The following ADAMTS3 variants were observed in gnomAD, a reference collection of about 807,000 sequenced individuals.
ADAMTS3 encodes ADAM metallopeptidase with thrombospondin type 1 motif 3.
Under a neutral mutation model 129.0 loss-of-function variants are expected in ADAMTS3, and 73 were observed. The observed-to-expected ratio is 0.57, with a 90% CI of 0.47 to 0.69. The LOEUF (loss-of-function observed/expected upper bound fraction) is 0.69, where lower values mean the gene tolerates loss of function less well. ADAMTS3 is among the 30% of genes least tolerant of loss of function. The probability of loss-of-function intolerance (pLI) is 0.00; values close to 1 mark genes in which losing one functional copy is unlikely to be tolerated. For synonymous variants in ADAMTS3, 477 were observed against 510.8 expected, an observed-to-expected ratio of 0.93 and a Z score of 0.89; for missense variants, 1,457 against 1,514.5, an observed-to-expected ratio of 0.96 and a Z score of 0.63.
chr4:72,530,614 T>C (rs1398048199), intron 3 of ADAMTS3, among the ~76,000 whole-genome samples: 1 of 87,394 alleles, frequency 1.1e-5, no homozygotes, highest in East Asian at 3.5e-4. Context: ...ATATATATTA[T>C]ATAATATATA....
intron 3 of ADAMTS3, among the ~76,000 whole-genome samples, chr4:72,454,261 T>C (rs1181482225): frequency 6.6e-6 from 1 of 151,726 alleles, no homozygotes; most frequent in East Asian, 2.0e-4. Context: ...GACTTAAGTA[T>C]TTTTGGTTTT....
chr4:72,283,817 T>G, intron 21 of ADAMTS3, 113 bp from the exon 22 acceptor site: 1 of 831,962 alleles, frequency 1.2e-6, no homozygotes, highest in South Asian at 2.1e-5. Context: ...AATCTGACAC[T>G]AACGGGAGTG....
intron 3 of ADAMTS3, among the ~76,000 whole-genome samples, chr4:72,426,043 G>A (rs1722566086): frequency 6.6e-6 from 1 of 152,140 alleles, no homozygotes; most frequent in Non-Finnish European, 1.5e-5. Flanking sequence ...GTGTGAGATG[G>A]TATCTCACTG....
At chr4:72,561,711 T>C (rs1721909442) in intron 2 of ADAMTS3, among the ~76,000 whole-genome samples, 1 of 152,222 alleles carries the variant, frequency 6.6e-6, no homozygotes, top group Admixed American at 6.5e-5. Flanking sequence ...AGGAATCATA[T>C]ATTTAATCCT....
At chr4:72,335,748 T>C (rs1470669407) in intron 5 of ADAMTS3, among the ~76,000 whole-genome samples, 1 of 152,176 alleles carries the variant, frequency 6.6e-6, no homozygotes, top group Non-Finnish European at 1.5e-5. Flanking sequence ...AAAGAATATA[T>C]GATACCCAAT....
At chr4:72,405,196 A>T (rs1722020598) in intron 4 of ADAMTS3, among the ~76,000 whole-genome samples, 1 of 152,166 alleles carries the variant, frequency 6.6e-6, no homozygotes. Flanking sequence ...CAGGGCATAT[A>T]TCCAAAAGAA....
chr4:72,350,577 A>G (rs1560482674), intron 4 of ADAMTS3, among the ~76,000 whole-genome samples: 1 of 152,030 alleles, frequency 6.6e-6, no homozygotes. Flanking sequence ...TCTTGGATGC[A>G]GTTAAATTAC....
At chr4:72,460,528 G>GA (rs1474018410) in intron 3 of ADAMTS3, among the ~76,000 whole-genome samples, 1 of 150,810 alleles carries the variant, frequency 6.6e-6, no homozygotes, top group Non-Finnish European at 1.5e-5. Flanking sequence ...AAAATTCCTT[G>GA]AAAAAATTAA....
chr4:72,527,082 A>G (rs575498371), intron 3 of ADAMTS3, among the ~76,000 whole-genome samples: 2 of 152,236 alleles, frequency 1.3e-5, no homozygotes, highest in East Asian at 1.9e-4. Flanking sequence ...TAAAACATCC[A>G]TGGTAACTCA....
chr4:72,338,647 G>A (rs1720048860), intron 5 of ADAMTS3, among the ~76,000 whole-genome samples: 1 of 151,882 alleles, frequency 6.6e-6, no homozygotes, highest in African/African-American at 2.4e-5. Context: ...CAAAAGTTGT[G>A]AGGGGGGAGG....
chr4:72,336,989 T>G (rs1720007935), intron 5 of ADAMTS3, among the ~76,000 whole-genome samples: 2 of 152,140 alleles, frequency 1.3e-5, no homozygotes, highest in Non-Finnish European at 2.9e-5. Flanking sequence ...ACTATACACT[T>G]AAGTATATGC....
rs1718579796 is a variant in ADAMTS3 at position 72,288,833 on chromosome 4, C to T, written c.2967G>A (p.Arg989=). The change falls in exon 21 of 22, where the codon AGG becomes AGA. Residue 989 remains arginine, a synonymous_variant. Coordinates refer to ENST00000286657, the MANE Select transcript of ADAMTS3 (RefSeq NM_014243.3). ...GGTCCCCAGCCCTGCAGAGGACCTG[C>T]CTCACCTCCGTTCCTTCACCGCAGG... ...SVTCGEGTEV[R]QVLCRAGDHC... is the part of the protein sequence containing the mutation. The T allele has an allele frequency of 6.2e-7, 1 of 1,613,250 alleles. No homozygotes were observed. Among genetic ancestry groups the T allele is most frequent in the Admixed American group, 1.7e-5 (1 of 59,954 alleles).
At chr4:72,539,510 A>C (rs963966181) in intron 3 of ADAMTS3, among the ~76,000 whole-genome samples, 5 of 151,392 alleles carry the variant, frequency 3.3e-5, no homozygotes, top group Non-Finnish European at 5.9e-5. Context: ...AAAAAAAAAA[A>C]AAACAGAAAA....
chr4:72,311,014 G>A (rs758014817), intron 14 of ADAMTS3, 34 bp downstream of exon 14: 7 of 1,542,318 alleles, frequency 4.5e-6, no homozygotes, highest in Admixed American at 1.9e-5. Flanking sequence ...CGTAGATAAC[G>A]TAGAAAGCCT....
chr4:72,311,013 C>T (rs756931820), intron 14 of ADAMTS3, 35 bp downstream of exon 14: 15 of 1,534,504 alleles, frequency 9.8e-6, no homozygotes, highest in East Asian at 2.3e-5. Context: ...ACGTAGATAA[C>T]GTAGAAAGCC....
At chr4:72,317,774 T>C (rs566325898) in intron 10 of ADAMTS3, among the ~76,000 whole-genome samples, 2 of 152,276 alleles carry the variant, frequency 1.3e-5, no homozygotes, top group Admixed American at 1.3e-4. Context: ...ACGCCTGTAA[T>C]CCCAGAACTT....
chr4:72,431,637 A>C (rs1416409859), intron 3 of ADAMTS3, among the ~76,000 whole-genome samples: 2 of 152,010 alleles, frequency 1.3e-5, no homozygotes, highest in Non-Finnish European at 2.9e-5. Flanking sequence ...TCTCACCCCC[A>C]AGGTACTCAT....
At chr4:72,339,996 G>A (rs75975287) in intron 4 of ADAMTS3, among the ~76,000 whole-genome samples, 5,600 of 152,190 alleles carry the variant, frequency 0.037, 347 homozygotes, top group African/African-American at 0.13. Context: ...CCAGCAAAGA[G>A]TCAAGGCAGT....
At position 72,489,547 on chromosome 4, in the gene ADAMTS3, A is replaced by C. The variant is rs548433498; in HGVS notation, c.504+58931T>G. ...CTGACAGCCAACCATATCATAGCCC[A>C]ATAATCCAGGATCACCTGAAGCAGA... On this transcript the variant is annotated intron_variant, in intron 3 of 21. Coordinates refer to ENST00000286657, the MANE Select transcript of ADAMTS3 (RefSeq NM_014243.3). Among the ~76,000 whole-genome samples, 10 of 152,032 alleles carry C rather than the reference A, an allele frequency of 6.6e-5. No homozygotes were observed. The South Asian group carries it at 2.1e-3, about 32-fold the overall frequency.
Sources: allele counts gnomAD v4.1 joint callset (sites outside exome capture counted in the v4.1 genomes callset), GRCh38; gene constraint gnomAD v4.1.1; transcripts MANE v1.5; gene names NCBI Gene and HGNC (gene_info 2026-07-23, HGNC 2026-07-21).